The following MED13L variants were observed in gnomAD, a reference collection of about 807,000 sequenced individuals.
MED13L encodes the protein mediator of RNA polymerase II transcription subunit 13-like.
A neutral mutation model predicts 220.9 loss-of-function variants in MED13L; 7 were observed. The observed-to-expected ratio is 0.03, with a 90% confidence interval of 0.02 to 0.06. The LOEUF (loss-of-function observed/expected upper bound fraction) is 0.06. MED13L is among the 10% of genes least tolerant of loss of function. MED13L has a pLI of 1.00. For synonymous variants in MED13L, 1,011 were observed against 1,015.2 expected (o/e 1.00, Z 0.08); for missense variants, 1,965 against 2,760.5 (o/e 0.71, Z 6.46).
chr12:116,177,614 T>A (rs1010523353), intron 2 of MED13L, among the ~76,000 whole-genome samples: 14 of 152,332 alleles, frequency 9.2e-5, no homozygotes, highest in African/African-American at 3.4e-4. Flanking sequence ...TGATATTATT[T>A]ACTTGGTACC....
intron 4 of MED13L, among the ~76,000 whole-genome samples, chr12:116,088,652 CCCA>C (rs964751288): frequency 3.3e-5 from 5 of 151,766 alleles, no homozygotes; most frequent in African/African-American, 1.2e-4. Flanking sequence ...TCAGCTTCTG[CCCA>C]CCACAAAAGA....
At chr12:116,193,673 G>A (rs1195120192) in intron 2 of MED13L, among the ~76,000 whole-genome samples, 1 of 150,114 alleles carries the variant, frequency 6.7e-6, no homozygotes, top group Non-Finnish European at 1.5e-5. Context: ...AAAAAAAAAG[G>A]TAAGAATTTC....
At chr12:115,965,955 A>C in intron 29 of MED13L, 127 bp downstream of exon 29, 1 of 1,197,208 alleles carries the variant, frequency 8.4e-7, no homozygotes, top group Non-Finnish European at 1.2e-6. Flanking sequence ...TCAGAGTATA[A>C]GTAGATACAA....
intron 9 of MED13L, among the ~76,000 whole-genome samples, chr12:116,011,906 A>AG (rs1879433095): frequency 6.6e-6 from 1 of 152,216 alleles, no homozygotes; most frequent in Non-Finnish European, 1.5e-5. Flanking sequence ...GCATATATGC[A>AG]GGGGGCGTAT....
rs543098115 is a variant in MED13L, at chr12:116,219,988, G to T, written c.310+17480C>A. ...ATTTTTGTATTTTTGGTAGAGACAGGGTTTCACCATCTTGGCCAGGCTGGT... is the reference window on the plus strand; with the variant it reads ...ATTTTTGTATTTTTGGTAGAGACAGTGTTTCACCATCTTGGCCAGGCTGGT... On this transcript the variant is annotated intron_variant, in intron 2 of 30. Coordinates refer to ENST00000281928, the MANE Select transcript of MED13L (RefSeq NM_015335.5). 2.6e-5 allele frequency among the ~76,000 whole-genome samples: 4 copies of T among 152,072 alleles called. No individual in the cohort carries two copies. In the East Asian group the frequency reaches 5.8e-4, roughly 22 times the overall value.
At chr12:116,176,525 C>T (rs1425803302) in intron 2 of MED13L, among the ~76,000 whole-genome samples, 1 of 152,124 alleles carries the variant, frequency 6.6e-6, no homozygotes, top group Non-Finnish European at 1.5e-5. Context: ...AGGCTAAGAA[C>T]TGGCCTTGGA....
chr12:116,046,801 G>A (rs1056410815), intron 4 of MED13L, among the ~76,000 whole-genome samples: 3 of 152,070 alleles, frequency 2.0e-5, no homozygotes, highest in Admixed American at 6.6e-5. Context: ...GTGAAACCCC[G>A]TCTCTACTAA....
At chr12:116,186,812 A>G (rs916349613) in intron 2 of MED13L, among the ~76,000 whole-genome samples, 1 of 152,246 alleles carries the variant, frequency 6.6e-6, no homozygotes, top group Admixed American at 6.5e-5. Flanking sequence ...AATAACTTTT[A>G]TAATTTCCTC....
chr12:116,033,679 C>T (rs1347748887), intron 4 of MED13L, among the ~76,000 whole-genome samples: 1 of 152,182 alleles, frequency 6.6e-6, no homozygotes, highest in Non-Finnish European at 1.5e-5. Flanking sequence ...CTACACGTCA[C>T]CTTGGAGCTT....
intron 3 of MED13L, among the ~76,000 whole-genome samples, chr12:116,098,419 T>C (rs1872793854): frequency 6.6e-6 from 1 of 152,204 alleles, no homozygotes; most frequent in East Asian, 1.9e-4. Context: ...AATTCTTCTA[T>C]ACAGGGTCCT....
At chr12:116,146,638 G>A (rs117846060) in intron 2 of MED13L, among the ~76,000 whole-genome samples, 1 of 151,896 alleles carries the variant, frequency 6.6e-6, no homozygotes, top group African/African-American at 2.4e-5. Flanking sequence ...ACGAAGGCAG[G>A]GGGGACTGCT....
At chr12:116,150,040 T>C (rs998479967) in intron 2 of MED13L, among the ~76,000 whole-genome samples, 1 of 152,192 alleles carries the variant, frequency 6.6e-6, no homozygotes, top group Non-Finnish European at 1.5e-5. Context: ...AAATACAAAA[T>C]TAGACCCAAG....
intron 4 of MED13L, among the ~76,000 whole-genome samples, chr12:116,089,944 T>C (rs1872046020): frequency 6.6e-6 from 1 of 152,216 alleles, no homozygotes; most frequent in South Asian, 2.1e-4. Context: ...AGACATTCCT[T>C]TTTAAATGTA....
intron 1 of MED13L, among the ~76,000 whole-genome samples, chr12:116,247,710 T>G (rs1460662016): frequency 6.6e-6 from 1 of 151,584 alleles, no homozygotes; most frequent in African/African-American, 2.4e-5. Context: ...TACACACACA[T>G]ATGCATATGT....
At chr12:116,104,358 T>A (rs1873368449) in intron 3 of MED13L, among the ~76,000 whole-genome samples, 1 of 152,158 alleles carries the variant, frequency 6.6e-6, no homozygotes, top group Non-Finnish European at 1.5e-5. Flanking sequence ...TATTACAATA[T>A]CACAACACAT....
intron 4 of MED13L, among the ~76,000 whole-genome samples, chr12:116,044,289 T>C (rs1473860798): frequency 6.6e-6 from 1 of 152,216 alleles, no homozygotes; most frequent in African/African-American, 2.4e-5. Context: ...ATTAAGTTTC[T>C]ATGTAGATTC....
At chr12:115,997,506 C>T (rs1375363648) in intron 14 of MED13L, among the ~76,000 whole-genome samples, 1 of 152,236 alleles carries the variant, frequency 6.6e-6, no homozygotes, top group African/African-American at 2.4e-5. Context: ...ACTGTAACCT[C>T]TGCCTTCCTC....
chr12:116,232,115 T>G, intron 2 of MED13L: 1 of 985,366 alleles, frequency 1.0e-6, no homozygotes, highest in Non-Finnish European at 1.2e-6. Flanking sequence ...ATGTCTAATG[T>G]TTTTACAATC....
At position 116,005,905 on chromosome 12, in the gene MED13L, G is replaced by A; in HGVS notation, c.2433C>T (p.Asp811=). 1 of 1,613,956 alleles carries A rather than the reference G, an allele frequency of 6.2e-7. No homozygotes were observed. Among genetic ancestry groups the A allele is most frequent in the Non-Finnish European group, 8.5e-7 (1 of 1,179,876 alleles). ...TDLAPSLHDL[D]NIFDNSDDDE... is the part of the protein sequence containing the mutation. ...CGTCATCAGAATTATCAAAGATGTTGTCTAAGTCATGCAGGGAAGGTGCCA... is the reference window on the plus strand; with the variant it reads ...CGTCATCAGAATTATCAAAGATGTTATCTAAGTCATGCAGGGAAGGTGCCA... The change falls in exon 13 of 31, where the codon GAC becomes GAT. Residue 811 remains aspartate (D), a synonymous_variant. Transcript: ENST00000281928.
Sources: gnomAD v4.1 joint callset for allele counts (sites outside exome capture counted in the v4.1 genomes callset) on GRCh38, gnomAD v4.1.1 for gene constraint, MANE v1.5 for transcripts, NCBI Gene and HGNC (gene_info 2026-07-23, HGNC 2026-07-21) for gene names.